Variants in E2F3 observed in about 807,000 individuals in gnomAD.
The protein encoded by E2F3 is transcription factor E2F3.
In E2F3, 11 loss-of-function variants were observed where a neutral mutation model predicts 44.4. The ratio of observed to expected loss-of-function variants is 0.25; its 90% confidence interval spans 0.16 to 0.41. The LOEUF is 0.41. Among genes scored for constraint, E2F3 ranks in the 10% least tolerant of loss-of-function variants. The pLI is 1.00. For synonymous variants in E2F3, 249 were observed against 253.0 expected (o/e 0.98, Z 0.15); for missense variants, 487 against 583.6 (o/e 0.83, Z 1.70).
At chr6:20,484,584 T>C (rs1762330182) in intron 4 of E2F3, among the ~76,000 whole-genome samples, 1 of 152,224 alleles carries the variant, frequency 6.6e-6, no homozygotes, top group South Asian at 2.1e-4. Flanking sequence ...AGGCATCCGT[T>C]GACTTCTTTG....
In E2F3 at chr6:20,424,838, G is replaced by A. The variant is rs375497431; in HGVS notation, c.393+22213G>A. 2.6e-3 allele frequency among the ~76,000 whole-genome samples: 390 copies of A among 152,324 alleles called. 3 individuals carry two copies. The highest frequency in any genetic ancestry group is 8.2e-3 in the African/African-American group (339 of 41,576). ...CTGTAGATGAGGAAAGTGAGGCTCA[G>A]TGATGAAGCAGTTTGTCCAAGGCTG... On this transcript the variant is annotated intron_variant, in intron 1 of 6. Coordinates refer to ENST00000346618, the MANE Select transcript of E2F3 (RefSeq NM_001949.5).
intron 1 of E2F3, among the ~76,000 whole-genome samples, chr6:20,478,578 G>T (rs1402082645): frequency 6.6e-6 from 1 of 152,200 alleles, no homozygotes; most frequent in South Asian, 2.1e-4. Context: ...GGAGGCCAAG[G>T]TGGGCAGATC....
Position 20,490,315 on chromosome 6 carries a change from C to T in E2F3, c.1283C>T (p.Pro428Leu). ...LEGPFVNLLP[P>L]LLQEDYLLSL... The stretch of plus-strand genomic sequence containing the variant: ...GGACCGTTTGTGAACTTACTGCCTC[C>T]CCTGCTGCAAGAGGACTATCTCCTG... The change falls in exon 7 of 7, where the codon CCC becomes CTC. Residue 428 changes from proline (P) to leucine (L), a missense_variant. Coordinates refer to ENST00000346618, the MANE Select transcript of E2F3 (RefSeq NM_001949.5). The surrounding 1 kb of genome is among the most constrained non-coding windows in gnomAD (Gnocchi z 4.3). 1 of 1,614,156 alleles carries T rather than the reference C, an allele frequency of 6.2e-7. No individual in the cohort carries two copies. The highest frequency in any genetic ancestry group is 8.5e-7 in the Non-Finnish European group (1 of 1,180,020).
At chr6:20,424,972 G>T (rs1404176849) in intron 1 of E2F3, among the ~76,000 whole-genome samples, 1 of 152,158 alleles carries the variant, frequency 6.6e-6, no homozygotes, top group East Asian at 1.9e-4. Context: ...CACATGACGA[G>T]GGCAGGCCAT....
In E2F3 at chr6:20,402,731, G is replaced by T. The variant is rs902783733; in HGVS notation, c.393+106G>T. On this transcript the variant is annotated intron_variant, in intron 1 of 6. Transcript: ENST00000346618. This position sits in a 1 kb window ranked among gnomAD's most constrained non-coding sequence, Gnocchi z 5.6. ...CCGCTCGGGGAGAGCACTGGGCCGA[G>T]CATCGTGGGCCTCGGGGGCTGCCCC... 8.0e-4 allele frequency: 998 copies of T among 1,252,700 alleles called. 2 individuals are homozygous for T. The highest frequency in any genetic ancestry group is 8.9e-4 in the Non-Finnish European group (887 of 1,000,682). 77.6% of individuals were successfully genotyped at this position (1,252,700 alleles called of 1,614,324 possible). A position where few individuals can be genotyped will look rare whatever the true frequency, so the allele number is the denominator to read the frequency against.
intron 1 of E2F3, among the ~76,000 whole-genome samples, chr6:20,455,167 C>G (rs1761268745): frequency 6.6e-6 from 1 of 152,156 alleles, no homozygotes; most frequent in African/African-American, 2.4e-5. Flanking sequence ...GCATAAATAG[C>G]GACTTGCTTG....
chr6:20,404,608 G>T (rs1310655491), intron 1 of E2F3, among the ~76,000 whole-genome samples: 2 of 152,224 alleles, frequency 1.3e-5, no homozygotes, highest in South Asian at 2.1e-4. Flanking sequence ...GAATAATGAG[G>T]CGTTTTTTAT....
chr6:20,416,223 A>G (rs1055858537), intron 1 of E2F3, among the ~76,000 whole-genome samples: 1 of 152,228 alleles, frequency 6.6e-6, no homozygotes, highest in African/African-American at 2.4e-5. Flanking sequence ...ACAGTTCAAC[A>G]GTAAGCAGCC....
chr6:20,433,431 C>G (rs1391103126), intron 1 of E2F3, among the ~76,000 whole-genome samples: 2 of 152,186 alleles, frequency 1.3e-5, no homozygotes, highest in South Asian at 2.1e-4. Flanking sequence ...TGACTACCCT[C>G]TAACTGAAAT....
At chr6:20,438,245 T>A (rs1760658303) in intron 1 of E2F3, among the ~76,000 whole-genome samples, 1 of 152,236 alleles carries the variant, frequency 6.6e-6, no homozygotes, top group African/African-American at 2.4e-5. Flanking sequence ...TAAAGTGCTA[T>A]ATAAACATAA....
At chr6:20,431,217 G>A (rs959019206) in intron 1 of E2F3, among the ~76,000 whole-genome samples, 2 of 152,242 alleles carry the variant, frequency 1.3e-5, no homozygotes, top group East Asian at 3.9e-4. Flanking sequence ...ACTGTCTCTG[G>A]ATGCCACTAT....
intron 1 of E2F3, among the ~76,000 whole-genome samples, chr6:20,424,375 G>T (rs1346211628): frequency 4.5e-5 from 2 of 44,114 alleles, no homozygotes; most frequent in African/African-American, 2.3e-4. Context: ...CACAGAGAGA[G>T]TGTGTGTATG....
intron 1 of E2F3, among the ~76,000 whole-genome samples, chr6:20,463,930 C>T (rs1415370151): frequency 2.0e-5 from 3 of 152,208 alleles, no homozygotes; most frequent in African/African-American, 4.8e-5. Flanking sequence ...GTTCCCACAA[C>T]CCCCTTCTTG....
intron 1 of E2F3, among the ~76,000 whole-genome samples, chr6:20,470,114 T>C (rs1322285090): frequency 6.6e-6 from 1 of 152,138 alleles, no homozygotes; most frequent in Non-Finnish European, 1.5e-5. Context: ...CCCATTCAAC[T>C]CCTCTGACTT....
intron 4 of E2F3, among the ~76,000 whole-genome samples, chr6:20,484,693 G>A (rs1762332997): frequency 1.3e-5 from 2 of 152,326 alleles, no homozygotes; most frequent in African/African-American, 2.4e-5. Context: ...AGATTTGAAG[G>A]AGATAGTCTG....
At chr6:20,454,008 T>G (rs752919361) in intron 1 of E2F3, among the ~76,000 whole-genome samples, 9 of 152,242 alleles carry the variant, frequency 5.9e-5, no homozygotes, top group Non-Finnish European at 1.0e-4. Context: ...ATGTTAACAT[T>G]TTGCCTCTTG....
intron 1 of E2F3, among the ~76,000 whole-genome samples, chr6:20,455,269 A>T (rs966821828): frequency 6.6e-6 from 1 of 152,192 alleles, no homozygotes; most frequent in African/African-American, 2.4e-5. Context: ...TGTGTGTTTC[A>T]TTGTAATAGT....
In E2F3 at chr6:20,402,680, G is replaced by A. The variant is rs1759347524; in HGVS notation, c.393+55G>A. ...CCCCGGCGGGAGGTGGGCTCGCACC[G>A]CGCGGGGTCGTGGGCGCGCTGCGGG... On this transcript the variant is annotated intron_variant, in intron 1 of 6. Transcript: ENST00000346618. This position sits in a 1 kb window ranked among gnomAD's most constrained non-coding sequence, Gnocchi z 5.6. 2.3e-6 allele frequency: 3 copies of A among 1,284,548 alleles called. No homozygotes were observed. The African/African-American group carries it at 4.7e-5, about 20-fold the overall frequency. The allele number at this position is 1,284,548 out of a possible 1,614,324, so 79.6% of individuals were successfully genotyped here. A position where few individuals can be genotyped will look rare whatever the true frequency, so the allele number is the denominator to read the frequency against.
intron 2 of E2F3, among the ~76,000 whole-genome samples, chr6:20,480,497 A>G (rs2127620729): frequency 6.6e-6 from 1 of 152,364 alleles, no homozygotes; most frequent in African/African-American, 2.4e-5. Context: ...TGCATTTAAC[A>G]TAAGGGCTAA....
Sources: allele counts gnomAD v4.1 joint callset (sites outside exome capture counted in the v4.1 genomes callset), GRCh38; gene constraint gnomAD v4.1.1; non-coding constraint Gnocchi (gnomAD v3.1); transcripts MANE v1.5; gene names NCBI Gene and HGNC (gene_info 2026-07-23, HGNC 2026-07-21).